Variants in NXPH1 observed in about 807,000 individuals in gnomAD.
NXPH1 encodes the protein neurexophilin 1.
NXPH1 carries 5 observed loss-of-function variants against 23.7 expected under a neutral mutation model. The ratio of observed to expected loss-of-function variants is 0.21; its 90% confidence interval spans 0.11 to 0.44. The LOEUF is 0.44. Among genes scored for constraint, NXPH1 ranks in the 20% least tolerant of loss-of-function variants. The pLI is 0.99. For synonymous variants in NXPH1, 144 were observed against 122.2 expected, an observed-to-expected ratio of 1.18 and a Z score of -1.18; for missense variants, 324 against 321.6, an observed-to-expected ratio of 1.01 and a Z score of -0.06.
At chr7:8,726,400 A>G (rs1305574363) in intron 2 of NXPH1, among the ~76,000 whole-genome samples, 1 of 151,224 alleles carries the variant, frequency 6.6e-6, no homozygotes, top group Non-Finnish European at 1.5e-5. Flanking sequence ...TTAGTTACAT[A>G]TGTATACATG....
intron 2 of NXPH1, among the ~76,000 whole-genome samples, chr7:8,739,846 C>T (rs1780331369): frequency 6.6e-6 from 1 of 151,986 alleles, no homozygotes; most frequent in Non-Finnish European, 1.5e-5. Flanking sequence ...AAAATGAAGA[C>T]ACAAGCACAC....
chr7:8,738,566 CT>C lies in NXPH1; in HGVS notation c.55-12440del, dbSNP rs368954388. 2.0e-4 allele frequency among the ~76,000 whole-genome samples: 30 copies of C among 152,298 alleles called. No individual in the cohort carries two copies. In the East Asian group the frequency reaches 5.8e-3, roughly 30 times the overall value. ...TATATGAGGTGTCTGTCGACCCCTGCTTGGGGGTATCTCCCAGTCAGGAGGC... is the reference window on the plus strand; with the variant it reads ...TATATGAGGTGTCTGTCGACCCCTGCTGGGGGTATCTCCCAGTCAGGAGGC... On this transcript the variant is annotated intron_variant, in intron 2 of 2. Transcript: ENST00000405863.
chr7:8,551,358 A>C (rs927230733), intron 2 of NXPH1, among the ~76,000 whole-genome samples: 1 of 151,554 alleles, frequency 6.6e-6, no homozygotes, highest in Non-Finnish European at 1.5e-5. Context: ...TTAAAGCAAA[A>C]CATGCTAAAT....
At chr7:8,552,283 T>C (rs1818291135) in intron 2 of NXPH1, among the ~76,000 whole-genome samples, 3 of 151,374 alleles carry the variant, frequency 2.0e-5, no homozygotes, top group Admixed American at 2.0e-4. Flanking sequence ...CAATAACCGA[T>C]AGCAAGCAAA....
intron 2 of NXPH1, among the ~76,000 whole-genome samples, chr7:8,737,019 CG>C (rs1292299163): frequency 6.6e-6 from 1 of 151,296 alleles, no homozygotes; most frequent in Non-Finnish European, 1.5e-5. Context: ...TTTGAGCGTG[CG>C]TGTGTGTTTG....
At chr7:8,652,669 A>G (rs535621088) in intron 2 of NXPH1, among the ~76,000 whole-genome samples, 1 of 152,276 alleles carries the variant, frequency 6.6e-6, no homozygotes, top group African/African-American at 2.4e-5. Flanking sequence ...TTATTTCTGG[A>G]GAGTAGCCTT....
intron 2 of NXPH1, among the ~76,000 whole-genome samples, chr7:8,728,542 G>A (rs1780096247): frequency 6.6e-6 from 1 of 152,106 alleles, no homozygotes; most frequent in African/African-American, 2.4e-5. Flanking sequence ...AGAGTTTTTA[G>A]CATGAAGGGT....
intron 2 of NXPH1, among the ~76,000 whole-genome samples, chr7:8,474,030 G>T (rs1816919903): frequency 6.6e-6 from 1 of 152,152 alleles, no homozygotes; most frequent in Non-Finnish European, 1.5e-5. Context: ...ACAAGAGCCT[G>T]CTGTGACTAC....
chr7:8,593,433 A>T (rs753685948), intron 2 of NXPH1, among the ~76,000 whole-genome samples: 14 of 151,984 alleles, frequency 9.2e-5, no homozygotes, highest in Non-Finnish European at 1.6e-4. Context: ...TTAGTGTCAT[A>T]TTTCCAGTTT....
chr7:8,724,305 G>A lies in NXPH1; in HGVS notation c.55-26703G>A, dbSNP rs966811438. ...ATATGTCCTAGCTGTGCCCTCTAGC[G>A]GCAGCTGGAATGTTACCCGGCTCTT... On this transcript the variant is annotated intron_variant, in intron 2 of 2. Transcript: ENST00000405863. Among the ~76,000 whole-genome samples the A allele has an allele frequency of 1.1e-4, 17 of 152,238 alleles. No individual in the cohort carries two copies. The South Asian group carries it at 1.2e-3, about 11-fold the overall frequency.
intron 2 of NXPH1, among the ~76,000 whole-genome samples, chr7:8,598,121 A>G (rs765099215): frequency 1.3e-5 from 2 of 152,132 alleles, no homozygotes; most frequent in Non-Finnish European, 2.9e-5. Flanking sequence ...TATAGAGCAT[A>G]TGTCATCCTC....
At chr7:8,634,802 T>C (rs1820193713) in intron 2 of NXPH1, among the ~76,000 whole-genome samples, 1 of 151,346 alleles carries the variant, frequency 6.6e-6, no homozygotes, top group African/African-American at 2.4e-5. Context: ...AGCATGCAGA[T>C]GTAAAGAACT....
chr7:8,551,380 A>G (rs1479070279), intron 2 of NXPH1, among the ~76,000 whole-genome samples: 1 of 151,506 alleles, frequency 6.6e-6, no homozygotes, highest in Non-Finnish European at 1.5e-5. Flanking sequence ...CCAACTTCAC[A>G]AGGAGTTTAA....
chr7:8,450,838 GATAATA>G (rs1816493978), intron 2 of NXPH1, among the ~76,000 whole-genome samples: 1 of 152,218 alleles, frequency 6.6e-6, no homozygotes, highest in Non-Finnish European at 1.5e-5. Context: ...TGGCTCAATA[GATAATA>G]ATGTGTTCTA....
In NXPH1 at chr7:8,708,512, C is replaced by A. The variant is rs547098767; in HGVS notation, c.55-42496C>A. ...TGTAGCTGGGATTACAGGCACCTGC[C>A]ACCATGCCTGGCTAATTTTTTGTAT... is the stretch of plus-strand genomic sequence containing the variant. On this transcript the variant is annotated intron_variant, in intron 2 of 2. Coordinates refer to ENST00000405863, the MANE Select transcript of NXPH1 (RefSeq NM_152745.3). 3.9e-5 allele frequency among the ~76,000 whole-genome samples: 6 copies of A among 152,178 alleles called. No individual in the cohort carries two copies. The East Asian group carries it at 1.2e-3, about 29-fold the overall frequency.
intron 2 of NXPH1, among the ~76,000 whole-genome samples, chr7:8,692,095 T>C (rs1821230240): frequency 6.6e-6 from 1 of 151,400 alleles, no homozygotes; most frequent in Non-Finnish European, 1.5e-5. Context: ...GAGGTTGGAG[T>C]GAGCAGAGAG....
chr7:8,469,135 GA>G (rs1816830651), intron 2 of NXPH1, among the ~76,000 whole-genome samples: 2 of 151,870 alleles, frequency 1.3e-5, no homozygotes, highest in South Asian at 4.2e-4. Context: ...AATTTTCTTA[GA>G]GTCCCATATT....
chr7:8,554,196 G>A (rs1818320111), intron 2 of NXPH1, among the ~76,000 whole-genome samples: 1 of 151,636 alleles, frequency 6.6e-6, no homozygotes, highest in African/African-American at 2.4e-5. Flanking sequence ...CTATGCCAAT[G>A]TTAGATACTA....
At chr7:8,592,152 G>A (rs538042243) in intron 2 of NXPH1, among the ~76,000 whole-genome samples, 1 of 152,082 alleles carries the variant, frequency 6.6e-6, no homozygotes, top group East Asian at 1.9e-4. Context: ...GATTGAGGAA[G>A]TGATATTTAA....
Sources: gnomAD v4.1 joint callset for allele counts (sites outside exome capture counted in the v4.1 genomes callset) on GRCh38, gnomAD v4.1.1 for gene constraint, MANE v1.5 for transcripts, NCBI Gene and HGNC (gene_info 2026-07-23, HGNC 2026-07-21) for gene names.